The following C22orf23 variants were observed in gnomAD, a reference collection of about 807,000 sequenced individuals.
C22orf23 encodes the protein UPF0193 protein EVG1.
A neutral mutation model predicts 29.7 loss-of-function variants in C22orf23; 30 were observed. That is an observed-to-expected ratio of 1.01 (90% CI 0.76 to 1.37). C22orf23 has a LOEUF of 1.37. C22orf23 is among the 40% of genes most tolerant of loss of function. C22orf23 has a pLI of 0.00. For synonymous variants in C22orf23, 90 were observed against 96.1 expected (o/e 0.94, Z 0.37); for missense variants, 237 against 273.1 (o/e 0.87, Z 0.93).
chr22:37,944,224 A>G lies in C22orf23; in HGVS notation c.605T>C (p.Ile202Thr), dbSNP rs1930554890. ...ISQKLREMED[I>T]DHRRSEELRK... ...AAGTTCCTCACTCCTTCTGTGGTCA[A>G]TGTCTTCCATTTCCCGGAGTTTCTG... The change falls in exon 7 of 7, where the codon ATT becomes ACT. Residue 202 changes from isoleucine (I) to threonine (T), a missense_variant. Transcript: ENST00000403305. 3.1e-6 allele frequency: 5 copies of G among 1,614,098 alleles called. No homozygotes were observed. Among genetic ancestry groups the G allele is most frequent in the Non-Finnish European group, 4.2e-6 (5 of 1,180,050 alleles).
chr22:37,948,944 ATTAT>A (rs1214205828), intron 3 of C22orf23, among the ~76,000 whole-genome samples: 3 of 152,180 alleles, frequency 2.0e-5, no homozygotes, highest in Admixed American at 1.3e-4. Context: ...GAATGGATAC[ATTAT>A]TTATTCAGCT....
In C22orf23 at chr22:37,943,405, A is replaced by T. The variant is rs2094590035; in HGVS notation, c.*770T>A. 1 of 152,204 alleles carries T rather than the reference A, an allele frequency of 6.6e-6. No homozygotes were observed. Among genetic ancestry groups the T allele is most frequent in the Admixed American group, 6.6e-5 (1 of 15,266 alleles). 9.4% of individuals were successfully genotyped at this position (152,204 alleles called of 1,614,324 possible). ...CCTTTTCATGTTTCTTTCTGTGGCC[A>T]TGGGTATAGTGGAAAGACATAAAGC... On this transcript the variant is annotated 3_prime_UTR_variant, in exon 7 of 7. Coordinates refer to ENST00000403305, the MANE Select transcript of C22orf23 (RefSeq NM_032561.5).
At chr22:37,946,438 G>A (rs372460147) in intron 4 of C22orf23, among the ~76,000 whole-genome samples, 3 of 151,946 alleles carry the variant, frequency 2.0e-5, no homozygotes, top group African/African-American at 7.2e-5. Context: ...AAAAAGCTGG[G>A]TGTGGGGAAC....
Position 37,944,555 on chromosome 22 carries a change from A to G in C22orf23, c.482-38T>C, listed in dbSNP as rs1930578378. 3.2e-6 allele frequency: 5 copies of G among 1,569,704 alleles called. No homozygotes were observed. The South Asian group carries it at 5.6e-5, about 17-fold the overall frequency. ...GAGGGCTGTCAGGTTCCCATGAGGG[A>G]TGCAGGCAGCGGGTTGCCTCTCTTG... On this transcript the variant is annotated intron_variant, in intron 5 of 6. Transcript: ENST00000403305.
chr22:37,944,948 G>T, intron 5 of C22orf23, 94 bp downstream of exon 5: 1 of 1,265,334 alleles, frequency 7.9e-7, no homozygotes, highest in Non-Finnish European at 1.1e-6. Context: ...GTTGGCCCTT[G>T]GCCCTCAGGG....
intron 2 of C22orf23, among the ~76,000 whole-genome samples, chr22:37,951,979 C>G (rs60244778): frequency 6.6e-6 from 1 of 151,704 alleles, no homozygotes; most frequent in Non-Finnish European, 1.5e-5. Flanking sequence ...CCACGCCCGG[C>G]TAATTTTGTA....
At position 37,947,420 on chromosome 22, in the gene C22orf23, C is replaced by T. The variant is rs763185943; in HGVS notation, c.210G>A (p.Gln70=). Reference sequence around the variant, plus strand: ...CTATTTGCTTGGAAGGTAAGACTCTCTGGCTGGATGTTGGGCTGCACTGTA... The same window carrying T: ...CTATTTGCTTGGAAGGTAAGACTCTTTGGCTGGATGTTGGGCTGCACTGTA... ...LPLQCSPTSS[Q]RVLPSKQIAS... is the part of the protein sequence containing the mutation. The change falls in exon 4 of 7, where the codon CAG becomes CAA. Residue 70 remains glutamine, a synonymous_variant. Transcript: ENST00000403305. The T allele has an allele frequency of 9.3e-6, 15 of 1,608,950 alleles. No homozygotes were observed. Among genetic ancestry groups the T allele is most frequent in the Middle Eastern group, 3.3e-4 (2 of 6,036 alleles).
At chr22:37,953,250 G>C in intron 1 of C22orf23, 92 bp from the exon 2 acceptor site, 1 of 873,202 alleles carries the variant, frequency 1.1e-6, no homozygotes, top group Non-Finnish European at 1.8e-6. Context: ...TCTGGAAGCG[G>C]GGATCGAGCC....
rs367959211 is a variant in C22orf23 at position 37,947,250 on chromosome 22, G to C, written c.349+31C>G. The C allele has an allele frequency of 1.4e-5, 22 of 1,612,894 alleles. No individual in the cohort carries two copies. The African/African-American group carries it at 2.7e-4, about 20-fold the overall frequency. On this transcript the variant is annotated intron_variant, in intron 4 of 6. Transcript: ENST00000403305. ...TCCCTTGTCCTCCCCCAGGGAGATG[G>C]AGAAAGGCCCTAGCTGAGACCCTCA...
intron 3 of C22orf23, among the ~76,000 whole-genome samples, chr22:37,947,738 C>T: frequency 6.6e-6 from 1 of 151,192 alleles, no homozygotes; most frequent in East Asian, 2.0e-4. Flanking sequence ...CTCCTGACCT[C>T]AAGTGATCCA....
Position 37,944,447 on chromosome 22 carries a change from G to A in C22orf23, c.552C>T (p.Tyr184=), listed in dbSNP as rs144374953. ...DMEALGQGKQ[Y]RGIILAEISQ... ...AGATTTCAGCAAGGATGATTCCTCG[G>A]TACTGTTTGCCCTGTCCCAGGGCCT... The change falls in exon 6 of 7, where the codon TAC becomes TAT. Residue 184 remains tyrosine (Y), a synonymous_variant. Transcript: ENST00000403305. 1.5e-5 allele frequency: 25 copies of A among 1,614,108 alleles called. No individual in the cohort carries two copies. In the African/African-American group the frequency reaches 3.1e-4, roughly 20 times the overall value.
chr22:37,944,822 C>T (rs1313915851), intron 5 of C22orf23: 2 of 587,962 alleles, frequency 3.4e-6, no homozygotes, highest in Admixed American at 3.3e-5. Context: ...ATTGCTTGAA[C>T]CTGGGAAGTG....
chr22:37,943,775 G>T lies in C22orf23; in HGVS notation c.*400C>A, dbSNP rs984709434. ...TATTGGCCAGTTAATCATTGTGGTT[G>T]AATACTTGCCTAAGGCGGTAAGAAA... is the stretch of plus-strand genomic sequence containing the variant. On this transcript the variant is annotated 3_prime_UTR_variant, in exon 7 of 7. Coordinates refer to ENST00000403305, the MANE Select transcript of C22orf23 (RefSeq NM_032561.5). 2 of 220,382 alleles carry T rather than the reference G, an allele frequency of 9.1e-6. No homozygotes were observed. The highest frequency in any genetic ancestry group is 4.5e-5 in the African/African-American group (2 of 44,296). The allele number at this position is 220,382 out of a possible 1,614,324, so 13.7% of individuals were successfully genotyped here.
intron 3 of C22orf23, among the ~76,000 whole-genome samples, chr22:37,949,877 A>C (rs1041991003): frequency 6.6e-6 from 1 of 151,826 alleles, no homozygotes; most frequent in Non-Finnish European, 1.5e-5. Context: ...ACACCCAAAA[A>C]TTTTGCTGTA....
chr22:37,952,819 A>G lies in C22orf23; in HGVS notation c.103+228T>C, dbSNP rs117708841. The stretch of plus-strand genomic sequence containing the variant: ...GAGCCTCACCGCCTCCTTTCAGGTC[A>G]GTGACGGCCTTAGATTCTCATAGGA... On this transcript the variant is annotated intron_variant, in intron 2 of 6. Transcript: ENST00000403305. 8.9e-4 allele frequency: 398 copies of G among 445,540 alleles called. 2 individuals carry two copies. In the East Asian group the frequency reaches 0.016, roughly 17 times the overall value. The allele number at this position is 445,540 out of a possible 1,614,324, so 27.6% of individuals were successfully genotyped here.
At chr22:37,952,474 CT>C (rs1392461919) in intron 2 of C22orf23, 4 of 152,318 alleles carry the variant, frequency 2.6e-5, no homozygotes, top group African/African-American at 9.7e-5. Context: ...GAGTTAACTA[CT>C]CTAAAAATTT....
At chr22:37,946,771 G>A (rs1306465044) in intron 4 of C22orf23, among the ~76,000 whole-genome samples, 1 of 151,044 alleles carries the variant, frequency 6.6e-6, no homozygotes, top group Non-Finnish European at 1.5e-5. Flanking sequence ...CTACTCAGGA[G>A]GCTGACACAT....
At chr22:37,952,078 G>A (rs1931079816) in intron 2 of C22orf23, among the ~76,000 whole-genome samples, 2 of 152,046 alleles carry the variant, frequency 1.3e-5, no homozygotes, top group South Asian at 2.1e-4. Context: ...GCCTCCCAAA[G>A]TGCTGGGATT....
Position 37,943,498 on chromosome 22 carries a change from G to C in C22orf23, c.*677C>G, listed in dbSNP as rs1428292453. On this transcript the variant is annotated 3_prime_UTR_variant, in exon 7 of 7. Coordinates refer to ENST00000403305, the MANE Select transcript of C22orf23 (RefSeq NM_032561.5). The stretch of plus-strand genomic sequence containing the variant: ...ATGCCCTTGGTTGTGGTATCTTGTT[G>C]AGACTTAGTTTTCACAGAGGGATAA... 6.5e-6 allele frequency: 1 copy of C among 152,698 alleles called. No individual in the cohort carries two copies. The highest frequency in any genetic ancestry group is 1.5e-5 in the Non-Finnish European group (1 of 68,468). 9.5% of individuals were successfully genotyped at this position (152,698 alleles called of 1,614,324 possible). A position where few individuals can be genotyped will look rare whatever the true frequency, so the allele number is the denominator to read the frequency against.
Sources: allele counts gnomAD v4.1 joint callset (sites outside exome capture counted in the v4.1 genomes callset), GRCh38; gene constraint gnomAD v4.1.1; transcripts MANE v1.5; gene names NCBI Gene and HGNC (gene_info 2026-07-23, HGNC 2026-07-21).